CLCA4: variants seen among roughly 807,000 people sequenced by gnomAD.
CLCA4 encodes the protein chloride channel accessory 4, also known as calcium-activated chloride channel regulator 4.
Under a neutral mutation model 78.9 loss-of-function variants are expected in CLCA4, and 69 were observed. The ratio of observed to expected loss-of-function variants is 0.87; its 90% CI spans 0.72 to 1.07. The LOEUF (loss-of-function observed/expected upper bound fraction) is 1.07, where lower values mean the gene tolerates loss of function less well. Among genes scored for constraint, CLCA4 ranks in the 50% least tolerant of loss-of-function variants. CLCA4 has a pLI of 0.00. For missense variants in CLCA4, 1,133 were observed against 1,095.8 expected (o/e 1.03, Z -0.48); for synonymous variants, 362 against 375.8 (o/e 0.96, Z 0.42).
intron 1 of CLCA4, among the ~76,000 whole-genome samples, chr1:86,554,860 G>GTT (rs150075352): frequency 5.0e-5 from 7 of 140,696 alleles, no homozygotes; most frequent in African/African-American, 7.8e-5. Context: ...CAAGCATCTG[G>GTT]TTTTTTTTTT....
chr1:86,574,730 A>G lies in CLCA4; in HGVS notation c.1658A>G (p.Tyr553Cys), dbSNP rs773412170. ...GTGGATGCAACTTCCAAAATGGCCT[A>G]TCTCAGTATTCCAGGAACTGCAAAG... The part of the protein sequence containing the change: ...FTVDATSKMA[Y>C]LSIPGTAKVG... Residue 553 changes from tyrosine (Y) to cysteine (C), a missense_variant, in exon 10 of 14, where the codon TAT (tyrosine) becomes TGT (cysteine). Coordinates refer to ENST00000370563, the MANE Select transcript of CLCA4 (RefSeq NM_012128.4). 6 of 1,613,028 alleles carry G rather than the reference A, an allele frequency of 3.7e-6. No homozygotes were observed. In the South Asian group the frequency reaches 4.4e-5, roughly 12 times the overall value.
chr1:86,568,134 A>G (rs1390031276), intron 7 of CLCA4, among the ~76,000 whole-genome samples: 1 of 151,898 alleles, frequency 6.6e-6, no homozygotes, highest in African/African-American at 2.4e-5. Flanking sequence ...AAGCCATACG[A>G]GTTAGAGCAT....
At chr1:86,556,202 C>T (rs966431923) in intron 1 of CLCA4, among the ~76,000 whole-genome samples, 15 of 152,180 alleles carry the variant, frequency 9.9e-5, no homozygotes, top group African/African-American at 3.6e-4. Context: ...ATTTATTTCT[C>T]TTGCCTGATT....
At chr1:86,565,774 AT>A (rs1359472202) in intron 5 of CLCA4, 27 bp from the exon 6 acceptor site, 2 of 1,325,134 alleles carry the variant, frequency 1.5e-6, no homozygotes, top group Admixed American at 2.6e-5. Context: ...GTATATTAAA[AT>A]TATTTTTTAT....
At chr1:86,557,332 T>C (rs567196742) in intron 1 of CLCA4, among the ~76,000 whole-genome samples, 1 of 152,332 alleles carries the variant, frequency 6.6e-6, no homozygotes, top group East Asian at 1.9e-4. Flanking sequence ...TCTAACTTTT[T>C]GATGTGGGTA....
intron 10 of CLCA4, 32 bp downstream of exon 10, chr1:86,574,787 C>G: frequency 6.7e-7 from 1 of 1,498,938 alleles, no homozygotes; most frequent in Non-Finnish European, 9.3e-7. Context: ...TTCCTGTCAA[C>G]ATTTTTAAAA....
chr1:86,571,379 C>A lies in CLCA4; in HGVS notation c.1360+125C>A, dbSNP rs952593125. On this transcript the variant is annotated intron_variant, in intron 8 of 13. Transcript: ENST00000370563. Reference sequence around the variant, plus strand: ...TGAAGCTGGGGACCAGACCCAATCTCTGTTCTCGTGGCACTTGGAGTCCAG... The same window carrying A: ...TGAAGCTGGGGACCAGACCCAATCTATGTTCTCGTGGCACTTGGAGTCCAG... 22 of 849,596 alleles carry A rather than the reference C, an allele frequency of 2.6e-5. 1 individual carries two copies. The Admixed American group carries it at 5.1e-4, about 20-fold the overall frequency. The allele number at this position is 849,596 out of a possible 1,614,324, so 52.6% of individuals were successfully genotyped here. A position where few individuals can be genotyped will look rare whatever the true frequency, so the allele number is the denominator to read the frequency against.
chr1:86,580,353 C>G lies in CLCA4; in HGVS notation c.*8C>G, dbSNP rs184093382. ...TTAAGTACCACCATTTGAACCTTAA[C>G]GAAGAAAAAAATCTTCAAGTAGACC... On this transcript the variant is annotated 3_prime_UTR_variant, in exon 14 of 14. Transcript: ENST00000370563. 9.1e-6 allele frequency: 14 copies of G among 1,540,042 alleles called. No individual in the cohort carries two copies. Among genetic ancestry groups the G allele is most frequent in the Admixed American group, 2.1e-5 (1 of 46,980 alleles).
Position 86,563,738 on chromosome 1 carries a change from C to A in CLCA4, c.526C>A (p.Arg176Ser). 2.5e-6 allele frequency: 4 copies of A among 1,608,090 alleles called. No individual in the cohort carries two copies. The highest frequency in any genetic ancestry group is 3.4e-6 in the Non-Finnish European group (4 of 1,176,368). ...DEYNEDQPFY[R>S]AKSKKIEATR... ...GTACAATGAAGATCAGCCTTTCTAC[C>A]GTGCTAAGTCAAAAAAAATCGAAGC... The change falls in exon 4 of 14, where the codon CGT (arginine) becomes AGT (serine). Residue 176 changes from arginine (R) to serine (S), a missense_variant. Arg to Ser is a moderately radical substitution (Grantham distance 110). Coordinates refer to ENST00000370563, the MANE Select transcript of CLCA4 (RefSeq NM_012128.4).
intron 9 of CLCA4, among the ~76,000 whole-genome samples, chr1:86,573,587 T>G (rs148108178): frequency 6.6e-6 from 1 of 151,150 alleles, no homozygotes; most frequent in East Asian, 1.9e-4. Flanking sequence ...AGAACAGAAG[T>G]TATGGGATGT....
At position 86,574,610 on chromosome 1, in the gene CLCA4, TGGGAAA is replaced by T. The variant is rs1159631184; in HGVS notation, c.1541_1546del (p.Gly514_Lys515del). ...GACACTGTCATAATTGATAGTACAG[TGGGAAA>T]GGACACGTTCTTTCTCATCACATGG... On this transcript the variant is annotated inframe_deletion, in exon 10 of 14. Transcript: ENST00000370563. The T allele has an allele frequency of 6.2e-7, 1 of 1,613,316 alleles. No individual in the cohort carries two copies. The highest frequency in any genetic ancestry group is 1.1e-5 in the South Asian group (1 of 91,068).
intron 1 of CLCA4, among the ~76,000 whole-genome samples, chr1:86,558,361 T>G (rs1168135415): frequency 6.6e-6 from 1 of 152,200 alleles, no homozygotes; most frequent in Admixed American, 6.5e-5. Context: ...TTTCTATATT[T>G]AGTGCTTCTT....
intron 1 of CLCA4, among the ~76,000 whole-genome samples, chr1:86,557,872 G>T (rs1443807634): frequency 2.0e-5 from 3 of 151,646 alleles, no homozygotes; most frequent in African/African-American, 7.3e-5. Flanking sequence ...GTGCTCCTTT[G>T]TTGGGCATAT....
At chr1:86,565,636 T>A (rs916090085) in intron 5 of CLCA4, among the ~76,000 whole-genome samples, 166 bp from the exon 6 acceptor site, 1 of 152,146 alleles carries the variant, frequency 6.6e-6, no homozygotes, top group Non-Finnish European at 1.5e-5. Context: ...GTTACCATAA[T>A]TCTTATTATG....
chr1:86,558,416 T>C (rs1235477918), intron 1 of CLCA4, among the ~76,000 whole-genome samples: 1 of 152,154 alleles, frequency 6.6e-6, no homozygotes, highest in Non-Finnish European at 1.5e-5. Flanking sequence ...GAATTTCCTT[T>C]GACAAGGAAA....
At chr1:86,552,927 C>T (rs556350145) in intron 1 of CLCA4, 3 of 655,094 alleles carry the variant, frequency 4.6e-6, no homozygotes, top group East Asian at 2.6e-5. Context: ...CCTCCCTCTG[C>T]GGGTGCCTCG....
rs781524223 is a variant in CLCA4, at chr1:86,580,024, T to C, written c.2439T>C (p.Thr813=). ...ATGATGCTCTTCAAGTAAATACTAC[T>C]GATCTGTCACCAAAGGAGGCCAACT... is the stretch of plus-strand genomic sequence containing the variant. ...SFDDALQVNT[T]DLSPKEANSK... Residue 813 remains threonine, a synonymous_variant, in exon 14 of 14, where the codon ACT becomes ACC. Coordinates refer to ENST00000370563, the MANE Select transcript of CLCA4 (RefSeq NM_012128.4). 1 of 1,611,292 alleles carries C rather than the reference T, an allele frequency of 6.2e-7. No individual in the cohort carries two copies. The highest frequency in any genetic ancestry group is 1.1e-5 in the South Asian group (1 of 90,998).
At chr1:86,570,305 C>T (rs1346791732) in intron 7 of CLCA4, among the ~76,000 whole-genome samples, 1 of 151,904 alleles carries the variant, frequency 6.6e-6, no homozygotes, top group African/African-American at 2.4e-5. Context: ...CAAGATGCCA[C>T]CACCAATTAA....
intron 1 of CLCA4, among the ~76,000 whole-genome samples, chr1:86,553,997 C>A (rs72720201): frequency 0.048 from 7,341 of 151,926 alleles, 261 homozygotes; most frequent in Non-Finnish European, 0.076. Flanking sequence ...TCTTTTTTAA[C>A]TTTTATTTTG....
Sources: gnomAD v4.1 joint callset for allele counts (sites outside exome capture counted in the v4.1 genomes callset) on GRCh38, gnomAD v4.1.1 for gene constraint, MANE v1.5 for transcripts, NCBI Gene and HGNC (gene_info 2026-07-23, HGNC 2026-07-21) for gene names.